RBFOX1: variants seen among roughly 807,000 people sequenced by gnomAD.
RBFOX1 encodes the protein RNA binding fox-1 homolog 1, also known as RNA binding protein fox-1 homolog 1.
A neutral mutation model predicts 57.7 loss-of-function variants in RBFOX1; 8 were observed. That is an observed-to-expected ratio of 0.14 (90% CI 0.08 to 0.25). RBFOX1 has a LOEUF of 0.25. Ranked by LOEUF, RBFOX1 falls within the 10% of genes least tolerant of loss-of-function variation. The pLI, the probability that RBFOX1 is intolerant of heterozygous loss-of-function variation, is 1.00. For synonymous variants in RBFOX1, 326 were observed against 222.4 expected (o/e 1.47, Z -4.15); for missense variants, 611 against 548.5 (o/e 1.11, Z -1.14).
intron 14 of RBFOX1, among the ~76,000 whole-genome samples, chr16:7,700,325 C>G (rs147559559): frequency 3.9e-5 from 6 of 152,052 alleles, no homozygotes; most frequent in Admixed American, 3.9e-4. Flanking sequence ...TAGCCTTGTA[C>G]GATGAGGATG....
chr16:5,497,984 C>A (rs2043058891), intron 2 of RBFOX1, among the ~76,000 whole-genome samples: 1 of 151,986 alleles, frequency 6.6e-6, no homozygotes, highest in African/African-American at 2.4e-5. Flanking sequence ...AGGGAAAAAA[C>A]ATGTGCAAAG....
chr16:6,405,536 T>G (rs1225220896), intron 2 of RBFOX1, among the ~76,000 whole-genome samples: 3 of 152,154 alleles, frequency 2.0e-5, no homozygotes, highest in African/African-American at 7.2e-5. Context: ...AGCTGATCCA[T>G]GCTTAGGCCT....
chr16:5,645,323 A>G (rs555454443), intron 3 of RBFOX1, among the ~76,000 whole-genome samples: 2 of 152,226 alleles, frequency 1.3e-5, no homozygotes, highest in African/African-American at 4.8e-5. Flanking sequence ...AAAAGGCCAC[A>G]TATTGTATGA....
At chr16:5,575,352 G>A (rs980347249) in intron 2 of RBFOX1, among the ~76,000 whole-genome samples, 18 of 151,902 alleles carry the variant, frequency 1.2e-4, no homozygotes, top group Non-Finnish European at 7.4e-5. Flanking sequence ...CTGCCATCAC[G>A]GCTCAGCCAT....
intron 1 of RBFOX1, among the ~76,000 whole-genome samples, chr16:6,036,733 T>A (rs1596562676): frequency 6.6e-6 from 1 of 152,176 alleles, no homozygotes; most frequent in South Asian, 2.1e-4. Flanking sequence ...AATTTTTAAC[T>A]TAGATGGGAG....
At chr16:5,711,685 G>A (rs189597839) in intron 3 of RBFOX1, among the ~76,000 whole-genome samples, 1 of 152,150 alleles carries the variant, frequency 6.6e-6, no homozygotes, top group Non-Finnish European at 1.5e-5. Context: ...GCCTTATTAA[G>A]AATTTTTTGG....
intron 2 of RBFOX1, among the ~76,000 whole-genome samples, chr16:6,481,909 T>C (rs1353053013): frequency 6.6e-6 from 1 of 152,090 alleles, no homozygotes; most frequent in Non-Finnish European, 1.5e-5. Flanking sequence ...AAAACACTCT[T>C]AATGCACAGA....
chr16:7,421,395 T>C lies in RBFOX1; in HGVS notation c.28-96752T>C, dbSNP rs57120939. Among the ~76,000 whole-genome samples the C allele has an allele frequency of 7.0e-3, 1,064 of 152,342 alleles. 14 individuals carry two copies. The highest frequency in any genetic ancestry group is 0.023 in the African/African-American group (971 of 41,572). ...CCAGTTTAATGGACACTTTTCCATC[T>C]AGGACTGTTTATATTCAGGCACCCA... On this transcript the variant is annotated intron_variant, in intron 4 of 15. Coordinates refer to ENST00000550418, the MANE Select transcript of RBFOX1 (RefSeq NM_018723.4).
chr16:6,799,964 C>T (rs977686791), intron 3 of RBFOX1, among the ~76,000 whole-genome samples: 6 of 152,122 alleles, frequency 3.9e-5, no homozygotes, highest in African/African-American at 1.4e-4. Flanking sequence ...GTCAATTCTC[C>T]TTAATAAACT....
intron 3 of RBFOX1, among the ~76,000 whole-genome samples, chr16:6,669,150 A>G (rs970410119): frequency 3.3e-5 from 5 of 152,114 alleles, no homozygotes; most frequent in Admixed American, 3.3e-4. Context: ...TCAAGGTCAG[A>G]AAACCCAGGG....
intron 3 of RBFOX1, among the ~76,000 whole-genome samples, chr16:6,898,825 ATG>A (rs1382775577): frequency 6.6e-6 from 1 of 151,330 alleles, no homozygotes. Flanking sequence ...TGTATAATAC[ATG>A]TGTGTATGTG....
At chr16:5,708,133 C>G (rs183834683) in intron 3 of RBFOX1, among the ~76,000 whole-genome samples, 1 of 152,070 alleles carries the variant, frequency 6.6e-6, no homozygotes, top group Non-Finnish European at 1.5e-5. Context: ...TCTGAAAACC[C>G]GAAGTAGTCA....
chr16:6,168,689 C>T (rs1369898999), intron 1 of RBFOX1, among the ~76,000 whole-genome samples: 1 of 152,094 alleles, frequency 6.6e-6, no homozygotes, highest in Non-Finnish European at 1.5e-5. Flanking sequence ...CTCTGCCACT[C>T]CTGGGGGAGG....
chr16:7,074,727 G>GA (rs762307956), intron 4 of RBFOX1, among the ~76,000 whole-genome samples: 3 of 152,104 alleles, frequency 2.0e-5, no homozygotes, highest in South Asian at 2.1e-4. Flanking sequence ...AGAGCATGGG[G>GA]AAAAACAAGC....
intron 1 of RBFOX1, among the ~76,000 whole-genome samples, chr16:6,277,567 T>C (rs1047402242): frequency 5.4e-5 from 8 of 147,810 alleles, no homozygotes; most frequent in Admixed American, 2.7e-4. Flanking sequence ...AGCCCAGGAG[T>C]TGGAGATCAG....
chr16:6,655,955 C>T (rs181837965), intron 3 of RBFOX1, among the ~76,000 whole-genome samples: 1 of 152,314 alleles, frequency 6.6e-6, no homozygotes, highest in East Asian at 1.9e-4. Flanking sequence ...GAGTGTTAAT[C>T]TCCTCACATT....
chr16:7,368,605 CCT>C (rs2097508068), intron 4 of RBFOX1, among the ~76,000 whole-genome samples: 1 of 151,646 alleles, frequency 6.6e-6, no homozygotes, highest in Non-Finnish European at 1.5e-5. Context: ...GGTGAAACCC[CCT>C]GTCTACTAAA....
At chr16:7,028,959 G>A (rs2041834605) in intron 3 of RBFOX1, among the ~76,000 whole-genome samples, 1 of 148,716 alleles carries the variant, frequency 6.7e-6, no homozygotes, top group Non-Finnish European at 1.5e-5. Flanking sequence ...GACCATAGCA[G>A]CAAGCATGCT....
At chr16:7,166,940 G>T (rs2079632006) in intron 4 of RBFOX1, among the ~76,000 whole-genome samples, 1 of 136,278 alleles carries the variant, frequency 7.3e-6, no homozygotes, top group South Asian at 2.4e-4. Context: ...GATGACATCA[G>T]AGAGAAAGCC....
Sources: allele counts gnomAD v4.1 joint callset (sites outside exome capture counted in the v4.1 genomes callset), GRCh38; gene constraint gnomAD v4.1.1; transcripts MANE v1.5; gene names NCBI Gene and HGNC (gene_info 2026-07-23, HGNC 2026-07-21).